The following WDR27 variants were observed in gnomAD, a reference collection of about 807,000 sequenced individuals.
WDR27 encodes the protein WD repeat-containing protein 27.
Under a neutral mutation model 114.4 loss-of-function variants are expected in WDR27, and 100 were observed. The ratio of observed to expected loss-of-function variants is 0.87; its 90% CI spans 0.74 to 1.03. The LOEUF (loss-of-function observed/expected upper bound fraction) is 1.03, where lower values mean the gene tolerates loss of function less well. Ranked by LOEUF, WDR27 falls within the 50% of genes least tolerant of loss-of-function variation. The pLI is 0.00. For missense variants in WDR27, 1,129 were observed against 1,092.9 expected (o/e 1.03, Z -0.47); for synonymous variants, 449 against 423.1 (o/e 1.06, Z -0.75).
intron 17 of WDR27, among the ~76,000 whole-genome samples, chr6:169,642,314 A>G (rs917578169): frequency 1.4e-5 from 2 of 140,612 alleles, no homozygotes; most frequent in Non-Finnish European, 3.0e-5. Flanking sequence ...CCCCCCGCCC[A>G]CAGAAACAGA....
At chr6:169,575,747 A>G (rs189341128) in intron 24 of WDR27, among the ~76,000 whole-genome samples, 140 of 152,350 alleles carry the variant, frequency 9.2e-4, no homozygotes, top group African/African-American at 3.2e-3. Flanking sequence ...GATTTTCTTA[A>G]AACAAAAGCT....
chr6:169,598,988 T>A (rs1807382950), intron 23 of WDR27, among the ~76,000 whole-genome samples: 1 of 151,744 alleles, frequency 6.6e-6, no homozygotes, highest in Non-Finnish European at 1.5e-5. Context: ...CTTGAAGTTA[T>A]TTCTTTTTTT....
chr6:169,675,321 T>C (rs1779812150), intron 2 of WDR27, among the ~76,000 whole-genome samples: 1 of 152,194 alleles, frequency 6.6e-6, no homozygotes, highest in Non-Finnish European at 1.5e-5. Flanking sequence ...GTTTTTGCCA[T>C]ATGACATGCC....
At chr6:169,626,977 T>C (rs945546924) in intron 21 of WDR27, among the ~76,000 whole-genome samples, 1 of 152,270 alleles carries the variant, frequency 6.6e-6, no homozygotes, top group African/African-American at 2.4e-5. Flanking sequence ...GCAGCTGCCC[T>C]TCTCCTGACA....
At chr6:169,560,477 C>T (rs1266376012) in intron 25 of WDR27, among the ~76,000 whole-genome samples, 2 of 152,204 alleles carry the variant, frequency 1.3e-5, no homozygotes, top group Non-Finnish European at 1.5e-5. Flanking sequence ...ACAAGAAACT[C>T]CAAGTGAGAG....
chr6:169,597,066 G>C (rs916427519), intron 23 of WDR27, among the ~76,000 whole-genome samples: 8 of 152,168 alleles, frequency 5.3e-5, no homozygotes, highest in African/African-American at 1.9e-4. Flanking sequence ...AATGCATTAA[G>C]ACCCAAAGTC....
At chr6:169,525,262 C>T (rs1302114914) in intron 25 of WDR27, among the ~76,000 whole-genome samples, 2 of 152,050 alleles carry the variant, frequency 1.3e-5, no homozygotes, top group Non-Finnish European at 2.9e-5. Context: ...ATCGGCCAGG[C>T]GTGGTGGTTT....
chr6:169,525,363 C>T (rs947886559), intron 25 of WDR27, among the ~76,000 whole-genome samples: 6 of 151,546 alleles, frequency 4.0e-5, no homozygotes, highest in South Asian at 4.2e-4. Context: ...GGTGAAACCC[C>T]GTCTCTACTA....
chr6:169,577,322 C>T (rs979696082), intron 24 of WDR27, among the ~76,000 whole-genome samples: 61 of 136,596 alleles, frequency 4.5e-4, no homozygotes, highest in African/African-American at 1.7e-3. Flanking sequence ...GGCGTCCGCG[C>T]CGAGCCAGGA....
At chr6:169,436,153 T>C in the WDR27 span, among the ~76,000 whole-genome samples, 2 of 152,210 alleles carry the variant, frequency 1.3e-5, no homozygotes, top group African/African-American at 2.4e-5. Flanking sequence ...ATTTAATTAA[T>C]TCATCACAAA....
rs745899994 is a variant in WDR27, at chr6:169,638,542, A to G, written c.1866T>C (p.Leu622=). The change falls in exon 18 of 26, where the codon CTT becomes CTC. Residue 622 remains leucine (L), a synonymous_variant. Coordinates refer to ENST00000448612, the MANE Select transcript of WDR27 (RefSeq NM_182552.5). ...GGCAGAGATGACTGTCCATTACCAG[A>G]AGCAGTGCGAGCTCTGCCCCACGAG... ...WSARGAELAL[L]LGKDMFSKPI... 49 of 1,611,148 alleles carry G rather than the reference A, an allele frequency of 3.0e-5. No individual in the cohort carries two copies. The highest frequency in any genetic ancestry group is 4.2e-5 in the Non-Finnish European group (49 of 1,179,130).
intron 25 of WDR27, among the ~76,000 whole-genome samples, chr6:169,557,817 C>T (rs1799132307): frequency 6.6e-6 from 1 of 152,034 alleles, no homozygotes; most frequent in South Asian, 2.1e-4. Context: ...TTGCATTCCC[C>T]TCCACTTAAT....
rs1001125539 is a variant in WDR27 at position 169,659,319 on chromosome 6, G to A, written c.1198-112C>T. On this transcript the variant is annotated intron_variant, in intron 11 of 25. Coordinates refer to ENST00000448612, the MANE Select transcript of WDR27 (RefSeq NM_182552.5). This position sits in a 1 kb window ranked among gnomAD's most constrained non-coding sequence, Gnocchi z 4.3. Reference sequence around the variant, plus strand: ...GCTTCATTCTCATAGCAGCGACATCGCCCTGTCACTCCTAAAACGTTTTTA... The same window carrying A: ...GCTTCATTCTCATAGCAGCGACATCACCCTGTCACTCCTAAAACGTTTTTA... 13 of 1,557,008 alleles carry A rather than the reference G, an allele frequency of 8.3e-6. No individual in the cohort carries two copies. Among genetic ancestry groups the A allele is most frequent in the Admixed American group, 3.6e-5 (2 of 56,312 alleles).
intron 10 of WDR27, 77 bp downstream of exon 10, chr6:169,660,586 A>T: frequency 2.3e-6 from 3 of 1,277,512 alleles, no homozygotes; most frequent in South Asian, 1.2e-5. Context: ...GGCCTTCTCC[A>T]CAAACACTTA....
At chr6:169,490,509 ATC>A (rs1789611831) in intron 25 of WDR27, among the ~76,000 whole-genome samples, 1 of 152,214 alleles carries the variant, frequency 6.6e-6, no homozygotes, top group Non-Finnish European at 1.5e-5. Flanking sequence ...GCATGTACTT[ATC>A]TGTCTGAAAG....
chr6:169,538,049 G>A (rs1184226158), intron 25 of WDR27, among the ~76,000 whole-genome samples: 3 of 152,044 alleles, frequency 2.0e-5, no homozygotes, highest in Non-Finnish European at 4.4e-5. Context: ...GGGGTGGGGA[G>A]AGATGGAGCA....
At chr6:169,553,508 A>T (rs192181966) in intron 25 of WDR27, among the ~76,000 whole-genome samples, 1 of 152,228 alleles carries the variant, frequency 6.6e-6, no homozygotes, top group Non-Finnish European at 1.5e-5. Context: ...GCTGTTCTAT[A>T]GTAGGAGGAT....
chr6:169,498,588 G>A (rs886794824), intron 25 of WDR27, among the ~76,000 whole-genome samples: 3 of 152,122 alleles, frequency 2.0e-5, no homozygotes, highest in African/African-American at 7.2e-5. Context: ...TTGCATAAAC[G>A]GGAAAATAAA....
At chr6:169,522,907 G>A (rs1447739751) in intron 25 of WDR27, among the ~76,000 whole-genome samples, 1 of 151,714 alleles carries the variant, frequency 6.6e-6, no homozygotes, top group Non-Finnish European at 1.5e-5. Flanking sequence ...CTCAAAGAAA[G>A]AGGAAAGAAA....
Sources: allele counts gnomAD v4.1 joint callset (sites outside exome capture counted in the v4.1 genomes callset), GRCh38; gene constraint gnomAD v4.1.1; non-coding constraint Gnocchi (gnomAD v3.1); transcripts MANE v1.5; gene names NCBI Gene and HGNC (gene_info 2026-07-23, HGNC 2026-07-21).